The following UBE3D variants were observed in gnomAD, a reference collection of about 807,000 sequenced individuals.
UBE3D encodes E3 ubiquitin-protein ligase E3D.
UBE3D carries 48 observed loss-of-function variants against 49.6 expected under a neutral mutation model. The ratio of observed to expected loss-of-function variants is 0.97; its 90% CI spans 0.77 to 1.23. The LOEUF (loss-of-function observed/expected upper bound fraction) is 1.23, where lower values mean the gene tolerates loss of function less well. Ranked by LOEUF, UBE3D falls within the 50% of genes most tolerant of loss-of-function variation. The pLI is 0.00. For missense variants in UBE3D, 452 were observed against 468.4 expected (o/e 0.96, Z 0.32); for synonymous variants, 189 against 174.2 (o/e 1.08, Z -0.67).
At chr6:83,035,197 A>T (rs1307480788) in intron 5 of UBE3D, among the ~76,000 whole-genome samples, 2 of 140,462 alleles carry the variant, frequency 1.4e-5, no homozygotes, top group African/African-American at 5.3e-5. Flanking sequence ...AAAAAAAAAA[A>T]TCTTTATTGC....
At chr6:82,943,997 A>C (rs930931976) in intron 9 of UBE3D, among the ~76,000 whole-genome samples, 3 of 152,080 alleles carry the variant, frequency 2.0e-5, no homozygotes, top group Non-Finnish European at 4.4e-5. Context: ...AAGCTTTGTT[A>C]CTGTGGGCTG....
intron 8 of UBE3D, among the ~76,000 whole-genome samples, chr6:82,973,390 G>C (rs571567657): frequency 6.6e-6 from 1 of 152,242 alleles, no homozygotes; most frequent in South Asian, 2.1e-4. Flanking sequence ...TTTATTCACA[G>C]ACTTTATGCA....
At chr6:83,049,192 A>G (rs900943477) in intron 3 of UBE3D, among the ~76,000 whole-genome samples, 4 of 152,216 alleles carry the variant, frequency 2.6e-5, no homozygotes, top group Admixed American at 6.5e-5. Flanking sequence ...GGAAAATAAA[A>G]TTATGCCCCT....
chr6:82,972,111 G>C (rs1415611702), intron 8 of UBE3D, among the ~76,000 whole-genome samples: 1 of 152,140 alleles, frequency 6.6e-6, no homozygotes, highest in Non-Finnish European at 1.5e-5. Context: ...GGTGGGTTCT[G>C]GTTGTTTGCA....
intron 9 of UBE3D, among the ~76,000 whole-genome samples, chr6:82,947,890 C>T (rs1177837857): frequency 1.3e-5 from 2 of 151,944 alleles, no homozygotes; most frequent in African/African-American, 2.4e-5. Context: ...AAGTTTATAA[C>T]TATAAGTGCC....
chr6:83,056,611 C>G (rs1045221477), intron 2 of UBE3D, among the ~76,000 whole-genome samples: 1 of 152,182 alleles, frequency 6.6e-6, no homozygotes, highest in African/African-American at 2.4e-5. Context: ...CCCTGCCCAA[C>G]TCAAACTAGT....
chr6:83,043,469 G>A (rs1377422580), intron 4 of UBE3D, among the ~76,000 whole-genome samples: 2 of 152,078 alleles, frequency 1.3e-5, no homozygotes, highest in African/African-American at 4.8e-5. Flanking sequence ...AGGGATTTCT[G>A]TTTACAGTGT....
chr6:82,936,963 G>A (rs1442041799), intron 9 of UBE3D, among the ~76,000 whole-genome samples: 3 of 152,142 alleles, frequency 2.0e-5, no homozygotes, highest in East Asian at 1.9e-4. Context: ...GTCCAGTCAC[G>A]CTGGTTGCTG....
At chr6:82,949,852 C>T (rs1775662039) in intron 9 of UBE3D, among the ~76,000 whole-genome samples, 1 of 152,086 alleles carries the variant, frequency 6.6e-6, no homozygotes, top group African/African-American at 2.4e-5. Flanking sequence ...TAACCATATA[C>T]AAAAATCAAA....
At chr6:83,042,871 G>C (rs138010789) in intron 4 of UBE3D, among the ~76,000 whole-genome samples, 10 of 152,346 alleles carry the variant, frequency 6.6e-5, no homozygotes, top group African/African-American at 2.4e-4. Flanking sequence ...GGAGCCTTGA[G>C]AGCGCTGTTT....
chr6:82,999,380 T>C (rs938901040), intron 8 of UBE3D, among the ~76,000 whole-genome samples: 1 of 152,108 alleles, frequency 6.6e-6, no homozygotes, highest in Non-Finnish European at 1.5e-5. Context: ...CAACAGGACC[T>C]TCCCTGTTGG....
downstream of UBE3D, among the ~76,000 whole-genome samples, chr6:82,887,584 C>T (rs978601965): frequency 6.7e-6 from 1 of 149,628 alleles, no homozygotes; most frequent in Non-Finnish European, 1.5e-5. Flanking sequence ...TGGTGCACGC[C>T]TACAATCCCA....
chr6:83,024,479 A>G (rs1257775004), intron 5 of UBE3D, among the ~76,000 whole-genome samples: 4 of 152,150 alleles, frequency 2.6e-5, no homozygotes, highest in African/African-American at 9.6e-5. Flanking sequence ...CTTTTCTACC[A>G]TAATAGCCTC....
chr6:83,056,321 T>C (rs1037054918), intron 2 of UBE3D, among the ~76,000 whole-genome samples: 4 of 152,076 alleles, frequency 2.6e-5, no homozygotes, highest in Non-Finnish European at 5.9e-5. Flanking sequence ...TTCCCAAATC[T>C]CAGAACCCAA....
intron 8 of UBE3D, among the ~76,000 whole-genome samples, chr6:82,981,855 G>C (rs1778140589): frequency 6.6e-6 from 1 of 152,058 alleles, no homozygotes; most frequent in Non-Finnish European, 1.5e-5. Context: ...AAGTAGTAAT[G>C]TATATACATC....
chr6:82,961,952 A>C (rs1175591350), intron 8 of UBE3D, among the ~76,000 whole-genome samples: 3 of 100,912 alleles, frequency 3.0e-5, no homozygotes, highest in Admixed American at 2.7e-4. Context: ...ACAATAAAAC[A>C]AAAAAAAAAA....
Position 82,892,950 on chromosome 6 carries a change from C to A in UBE3D, c.*72G>T. The A allele has an allele frequency of 1.3e-6, 2 of 1,567,656 alleles. No homozygotes were observed. Among genetic ancestry groups the A allele is most frequent in the African/African-American group, 1.4e-5 (1 of 74,062 alleles). On this transcript the variant is annotated 3_prime_UTR_variant, in exon 10 of 10. Transcript: ENST00000369747. ...GTCTTTGTAATTGATGCCTCCTGAGCTGACTGCTGGCCTCGGTGTGCTCCT... is the reference window on the plus strand; with the variant it reads ...GTCTTTGTAATTGATGCCTCCTGAGATGACTGCTGGCCTCGGTGTGCTCCT...
chr6:82,984,281 C>T (rs915951621), intron 8 of UBE3D, among the ~76,000 whole-genome samples: 7 of 152,202 alleles, frequency 4.6e-5, no homozygotes, highest in African/African-American at 1.7e-4. Context: ...ATAATTTATT[C>T]GGTCAGCACC....
At chr6:82,946,662 T>G (rs1397871778) in intron 9 of UBE3D, among the ~76,000 whole-genome samples, 1 of 152,068 alleles carries the variant, frequency 6.6e-6, no homozygotes, top group Non-Finnish European at 1.5e-5. Flanking sequence ...GTAGAAAGAC[T>G]AAAAGATTAA....
Sources: allele counts gnomAD v4.1 joint callset (sites outside exome capture counted in the v4.1 genomes callset), GRCh38; gene constraint gnomAD v4.1.1; transcripts MANE v1.5; gene names NCBI Gene and HGNC (gene_info 2026-07-23, HGNC 2026-07-21).